The following ANK3 variants were observed in gnomAD, a reference collection of about 807,000 sequenced individuals.
ANK3 encodes the protein ankyrin-3.
In ANK3, 57 loss-of-function variants were observed where a neutral mutation model predicts 370.9. That is an observed-to-expected ratio of 0.15 (90% CI 0.12 to 0.19). The LOEUF (loss-of-function observed/expected upper bound fraction) is 0.19, where lower values mean the gene tolerates loss of function less well. ANK3 is among the 10% of genes least tolerant of loss of function. The pLI is 1.00. For missense variants in ANK3, 4,439 were observed against 5,302.1 expected, an observed-to-expected ratio of 0.84 and a Z score of 5.06; for synonymous variants, 1,929 against 1,946.3, an observed-to-expected ratio of 0.99 and a Z score of 0.23.
At chr10:60,662,855 C>T (rs923297114) in intron 1 of ANK3, among the ~76,000 whole-genome samples, 5 of 152,036 alleles carry the variant, frequency 3.3e-5, no homozygotes, top group Non-Finnish European at 5.9e-5. Context: ...ATTAAACTGG[C>T]CTTTAAGATA....
chr10:60,486,911 T>C (rs1419897586), intron 2 of ANK3, among the ~76,000 whole-genome samples: 2 of 152,220 alleles, frequency 1.3e-5, no homozygotes, highest in African/African-American at 4.8e-5. Flanking sequence ...AAAAGTTATA[T>C]GCTAAATTTT....
At chr10:60,296,741 T>C (rs1022583250) in intron 1 of ANK3, among the ~76,000 whole-genome samples, 1 of 152,150 alleles carries the variant, frequency 6.6e-6, no homozygotes, top group Admixed American at 6.5e-5. Context: ...ATCCCAGCAC[T>C]TTGGGAGGCT....
chr10:60,164,756 A>G (rs961289158), intron 23 of ANK3, among the ~76,000 whole-genome samples: 1 of 152,210 alleles, frequency 6.6e-6, no homozygotes, highest in Admixed American at 6.5e-5. Flanking sequence ...GCTTGGGCAC[A>G]GGAGATCCTA....
rs1167270371 is a variant in ANK3, at chr10:60,072,396, G to T, written c.8485C>A (p.Gln2829Lys). Reference protein sequence around the residue: ...KAMPDSFSEQQAKDLACHITS... With the variant: ...KAMPDSFSEQKAKDLACHITS... ...ATATGACATGCCAAGTCTTTAGCCT[G>T]CTGCTCAGAAAAAGAGTCAGGCATT... The change falls in exon 37 of 44, where the codon CAG becomes AAG. Residue 2829 changes from glutamine (Q) to lysine (K), a missense_variant. Physicochemically the swap from Gln to Lys is moderately conservative, Grantham distance 53. This residue lies in a region of ANK3 where 1,601 missense variants were observed against 1,731.7 expected (regional missense o/e 0.92). Transcript: ENST00000280772. 8.7e-6 allele frequency: 14 copies of T among 1,613,938 alleles called. 1 individual carries two copies. The South Asian group carries it at 1.2e-4, about 14-fold the overall frequency.
chr10:60,652,092 C>T (rs1471040542), intron 1 of ANK3, among the ~76,000 whole-genome samples: 6 of 152,214 alleles, frequency 3.9e-5, no homozygotes, highest in African/African-American at 1.2e-4. Context: ...GACAGTGGCT[C>T]ATGCCTGTAA....
At chr10:60,233,796 T>A (rs7903787) in intron 8 of ANK3, among the ~76,000 whole-genome samples, 32,754 of 152,174 alleles carry the variant, frequency 0.22, 4,112 homozygotes, top group African/African-American at 0.34. Flanking sequence ...TCACAATCCA[T>A]AAGCAGACAC....
intron 2 of ANK3, among the ~76,000 whole-genome samples, chr10:60,544,326 AT>A (rs1261486903): frequency 2.6e-5 from 4 of 152,154 alleles, no homozygotes; most frequent in Admixed American, 6.6e-5. Flanking sequence ...AGAGTTTTAA[AT>A]TAGAATGTAA....
chr10:60,719,931 C>T (rs1040489582), intron 1 of ANK3, among the ~76,000 whole-genome samples: 22 of 152,136 alleles, frequency 1.4e-4, no homozygotes, highest in African/African-American at 5.3e-4. Context: ...TGCTATCTAT[C>T]ATAAGCAAAT....
In ANK3 at chr10:60,027,994, G is replaced by C; in HGVS notation, c.*1852C>G. Reference sequence around the variant, plus strand: ...AGAGATGTTAGCAACTTAATTATGTGAAATGTCCCAACTTGTAAGAATGGA... The same window carrying C: ...AGAGATGTTAGCAACTTAATTATGTCAAATGTCCCAACTTGTAAGAATGGA... On this transcript the variant is annotated 3_prime_UTR_variant, in exon 44 of 44. Transcript: ENST00000280772. The C allele has an allele frequency of 6.6e-6, 1 of 152,144 alleles. No homozygotes were observed. The highest frequency in any genetic ancestry group is 3.2e-3 in the Middle Eastern group (1 of 316). The allele number at this position is 152,144 out of a possible 1,614,324, so 9.4% of individuals were successfully genotyped here. A position where few individuals can be genotyped will look rare whatever the true frequency, so the allele number is the denominator to read the frequency against.
chr10:60,106,057 G>A lies in ANK3; in HGVS notation c.3176C>T (p.Pro1059Leu). The change falls in exon 28 of 44, where the codon CCT (proline) becomes CTT (leucine). Residue 1059 changes from proline (P) to leucine (L), a missense_variant and splice_region_variant. This residue lies in a region of ANK3 where 702 missense variants were observed against 941.5 expected (regional missense o/e 0.75). Transcript: ENST00000280772. Reference protein sequence around the residue: ...MGPAGAQFLGPVIVEIPHFGS... With the variant: ...MGPAGAQFLGLVIVEIPHFGS... The stretch of plus-strand genomic sequence containing the variant: ...AAAGTGAGGGATTTCCACTATGACA[G>A]GGCTGGAAAAAAAATCCACATTATT... 1 of 1,594,952 alleles carries A rather than the reference G, an allele frequency of 6.3e-7. No homozygotes were observed. The highest frequency in any genetic ancestry group is 8.5e-7 in the Non-Finnish European group (1 of 1,173,790).
chr10:60,420,849 C>T (rs147406930), intron 2 of ANK3, among the ~76,000 whole-genome samples: 106 of 152,132 alleles, frequency 7.0e-4, no homozygotes, highest in African/African-American at 2.4e-3. Flanking sequence ...AATTGCACTG[C>T]TAGATATATA....
Position 60,137,598 on chromosome 10 carries a change from T to TA in ANK3, c.2738+1365dup, listed in dbSNP as rs1300720840. ...CTGAGCATAACATGAGTCATCAAAG[T>TA]AAAAAAAATGAGTTACATATAATAG... On this transcript the variant is annotated intron_variant, in intron 24 of 43. Transcript: ENST00000280772. Among the ~76,000 whole-genome samples the TA allele has an allele frequency of 4.6e-5, 7 of 151,510 alleles. No individual in the cohort carries two copies. In the East Asian group the frequency reaches 5.8e-4, roughly 13 times the overall value.
At chr10:60,586,089 A>G (rs1253573753) in intron 2 of ANK3, among the ~76,000 whole-genome samples, 1 of 43,392 alleles carries the variant, frequency 2.3e-5, no homozygotes, top group Non-Finnish European at 6.4e-5. Flanking sequence ...AAAAAAGGGA[A>G]AAAAAAAACC....
rs535579978 is a variant in ANK3, at chr10:60,607,133, C to A, written c.96+8053G>T. Among the ~76,000 whole-genome samples, 212 of 152,246 alleles carry A rather than the reference C, an allele frequency of 1.4e-3. 2 individuals are homozygous for A. The highest frequency in any genetic ancestry group is 6.8e-3 in the Middle Eastern group (2 of 294). ...TGTCCATATATATGCACTCATTGAA[C>A]ACAAGAACTTTAGAAAGCATTATCT... On this transcript the variant is annotated intron_variant, in intron 2 of 43. Coordinates refer to the ANK3 transcript ENST00000373827.
intron 7 of ANK3, among the ~76,000 whole-genome samples, chr10:60,242,000 C>T (rs2097467760): frequency 6.6e-6 from 1 of 152,290 alleles, no homozygotes; most frequent in African/African-American, 2.4e-5. Context: ...AAGAAAACAA[C>T]ATGGATCACT....
rs1226818853 is a variant in ANK3 at position 60,316,424 on chromosome 10, CTAGT to C, written c.115-36789_115-36786del. 2.0e-5 allele frequency among the ~76,000 whole-genome samples: 3 copies of C among 150,528 alleles called. No homozygotes were observed. In the East Asian group the frequency reaches 5.8e-4, roughly 29 times the overall value. On this transcript the variant is annotated intron_variant, in intron 1 of 43. Transcript: ENST00000280772. ...CTCCTTCCTAGCTCTTAATCTTGGG[CTAGT>C]TACTCAGCTTCTTTTCGTCTTCTGG...
chr10:60,088,115 T>A, intron 29 of ANK3, 32 bp downstream of exon 29: 1 of 1,581,142 alleles, frequency 6.3e-7, no homozygotes, highest in Non-Finnish European at 8.7e-7. Flanking sequence ...TCTCTGCGCA[T>A]ACTGAGGGAA....
chr10:60,601,773 T>C (rs2078067901), intron 2 of ANK3, among the ~76,000 whole-genome samples: 1 of 152,182 alleles, frequency 6.6e-6, no homozygotes, highest in African/African-American at 2.4e-5. Flanking sequence ...GTCATGGTAA[T>C]AGAAGATGTT....
chr10:60,443,396 G>T (rs1247689026), intron 2 of ANK3, among the ~76,000 whole-genome samples: 1 of 151,954 alleles, frequency 6.6e-6, no homozygotes, highest in Non-Finnish European at 1.5e-5. Context: ...GCTTCACTTT[G>T]TTTTTTCTGG....
Sources: gnomAD v4.1 joint callset for allele counts (sites outside exome capture counted in the v4.1 genomes callset) on GRCh38, gnomAD v4.1.1 for gene constraint, gnomAD v4.1.1 regional missense constraint, MANE v1.5 for transcripts, NCBI Gene and HGNC (gene_info 2026-07-23, HGNC 2026-07-21) for gene names.